Variants in DYRK1A observed in about 807,000 individuals in gnomAD.
DYRK1A encodes the protein dual specificity tyrosine-phosphorylation-regulated kinase 1A.
In DYRK1A, 9 loss-of-function variants were observed where a neutral mutation model predicts 79.7. The ratio of observed to expected loss-of-function variants is 0.11; its 90% confidence interval spans 0.07 to 0.20. DYRK1A has a LOEUF of 0.20. DYRK1A is among the 10% of genes least tolerant of loss of function. The pLI is 1.00. For synonymous variants in DYRK1A, 349 were observed against 329.7 expected (o/e 1.06, Z -0.63); for missense variants, 622 against 956.0 (o/e 0.65, Z 4.61).
In DYRK1A at chr21:37,462,237, G is replaced by C. The variant is rs73400104; in HGVS notation, c.11-10447G>C. ...GTGCCTAGTGAATTGGGCTGGCTAT[G>C]GGGATGAGGAATGCTGGCCCGTGAG... On this transcript the variant is annotated intron_variant, in intron 2 of 11. Transcript: ENST00000647188. 4.2e-3 allele frequency among the ~76,000 whole-genome samples: 639 copies of C among 152,230 alleles called. 4 individuals are homozygous for C. The highest frequency in any genetic ancestry group is 0.014 in the African/African-American group (600 of 41,524).
chr21:37,374,780 C>T (rs1010699376), intron 1 of DYRK1A, among the ~76,000 whole-genome samples: 6 of 152,110 alleles, frequency 3.9e-5, no homozygotes, highest in African/African-American at 1.4e-4. Context: ...GTCTCAATCT[C>T]CTGACCTCGT....
chr21:37,518,331 A>C lies in DYRK1A; in HGVS notation c.*5800A>C, dbSNP rs2053901583. ...ACCACTCCCACTTCCATTGCCCGCA[A>C]ATCCAGGAAAGAAATGACTAATGAA... is the stretch of plus-strand genomic sequence containing the variant. On this transcript the variant is annotated 3_prime_UTR_variant, in exon 12 of 12. Coordinates refer to ENST00000647188, the MANE Select transcript of DYRK1A (RefSeq NM_001347721.2). 6.6e-6 allele frequency: 1 copy of C among 152,248 alleles called. No individual in the cohort carries two copies. The highest frequency in any genetic ancestry group is 2.4e-5 in the African/African-American group (1 of 41,434). The allele number at this position is 152,248 out of a possible 1,614,324, so 9.4% of individuals were successfully genotyped here.
At chr21:37,458,191 A>C (rs2051716529) in intron 2 of DYRK1A, among the ~76,000 whole-genome samples, 2 of 151,648 alleles carry the variant, frequency 1.3e-5, no homozygotes, top group Admixed American at 6.6e-5. Flanking sequence ...CTTGGAAGAC[A>C]GCTGTAATAT....
intron 1 of DYRK1A, among the ~76,000 whole-genome samples, chr21:37,401,956 A>T (rs917065222): frequency 6.6e-6 from 1 of 152,174 alleles, no homozygotes; most frequent in African/African-American, 2.4e-5. Flanking sequence ...ATATTGTTGC[A>T]ACTCCTACTT....
At position 37,377,350 on chromosome 21, in the gene DYRK1A, A is replaced by C. The variant is rs553027245; in HGVS notation, c.-77+9722A>C. ...TAGTCAGGGTGGTCTCCATCTCCTG[A>C]CCTCGTGATCCGCTTACCTCGGCCT... On this transcript the variant is annotated intron_variant, in intron 1 of 11. Transcript: ENST00000647188. Among the ~76,000 whole-genome samples, 49 of 151,950 alleles carry C rather than the reference A, an allele frequency of 3.2e-4. 1 individual carries two copies. Among genetic ancestry groups the C allele is most frequent in the Admixed American group, 2.2e-3 (34 of 15,264 alleles).
intron 2 of DYRK1A, among the ~76,000 whole-genome samples, chr21:37,441,568 T>C (rs935734250): frequency 7.2e-5 from 11 of 152,142 alleles, no homozygotes; most frequent in Admixed American, 1.3e-4. Context: ...CCTTGTTTTT[T>C]AAATTTAGTG....
chr21:37,470,890 G>A (rs1206812233), intron 2 of DYRK1A, among the ~76,000 whole-genome samples: 2 of 152,172 alleles, frequency 1.3e-5, no homozygotes, highest in African/African-American at 2.4e-5. Context: ...GACTATGAAT[G>A]ATGAAATGTT....
intron 6 of DYRK1A, 47 bp from the exon 7 acceptor site, chr21:37,490,128 A>G: frequency 1.3e-6 from 2 of 1,535,274 alleles, no homozygotes; most frequent in Non-Finnish European, 1.8e-6. Flanking sequence ...TGTTACTCTC[A>G]GTTTATTGGT....
rs2053923241 is a variant in DYRK1A at position 37,520,002 on chromosome 21, C to T, written c.*7471C>T. On this transcript the variant is annotated 3_prime_UTR_variant, in exon 12 of 12. Coordinates refer to ENST00000647188, the MANE Select transcript of DYRK1A (RefSeq NM_001347721.2). ...CCTTGTGATCCATCTGCCTTGGCCTCCCAAAGTGCTGGGATTACAGGTGTG... is the reference window on the plus strand; with the variant it reads ...CCTTGTGATCCATCTGCCTTGGCCTTCCAAAGTGCTGGGATTACAGGTGTG... 1 of 152,186 alleles carries T rather than the reference C, an allele frequency of 6.6e-6. No individual in the cohort carries two copies. Among genetic ancestry groups the T allele is most frequent in the Non-Finnish European group, 1.5e-5 (1 of 68,060 alleles). The allele number at this position is 152,186 out of a possible 1,614,324, so 9.4% of individuals were successfully genotyped here.
Position 37,514,818 on chromosome 21 carries a change from A to C in DYRK1A, c.*2287A>C, listed in dbSNP as rs1182385313. On this transcript the variant is annotated 3_prime_UTR_variant, in exon 12 of 12. Transcript: ENST00000647188. ...TGCTGTTTAGGAATATAAGGTTAAG[A>C]TATCATATGGGTCAGGTCATTTTTT... is the stretch of plus-strand genomic sequence containing the variant. 6.6e-6 allele frequency: 1 copy of C among 152,596 alleles called. No homozygotes were observed. Among genetic ancestry groups the C allele is most frequent in the Non-Finnish European group, 1.5e-5 (1 of 68,040 alleles). The allele number at this position is 152,596 out of a possible 1,614,324, so 9.5% of individuals were successfully genotyped here.
chr21:37,492,152 G>C (rs2053119542), intron 7 of DYRK1A, among the ~76,000 whole-genome samples: 1 of 152,198 alleles, frequency 6.6e-6, no homozygotes, highest in African/African-American at 2.4e-5. Flanking sequence ...CTTCTTCCCA[G>C]TTCTTTTAAA....
rs558805288 is a variant in DYRK1A at position 37,515,678 on chromosome 21, G to C, written c.*3147G>C. On this transcript the variant is annotated 3_prime_UTR_variant, in exon 12 of 12. Transcript: ENST00000647188. Reference sequence around the variant, plus strand: ...CAGTATATATTAAGGTGGCTTTCGAGAGGCAAGATGCTTATTTAAAAGTTA... The same window carrying C: ...CAGTATATATTAAGGTGGCTTTCGACAGGCAAGATGCTTATTTAAAAGTTA... 1 of 152,220 alleles carries C rather than the reference G, an allele frequency of 6.6e-6. No homozygotes were observed. Among genetic ancestry groups the C allele is most frequent in the African/African-American group, 2.4e-5 (1 of 41,522 alleles). The allele number at this position is 152,220 out of a possible 1,614,324, so 9.4% of individuals were successfully genotyped here.
chr21:37,410,211 G>A (rs961864186), intron 1 of DYRK1A, among the ~76,000 whole-genome samples: 1 of 152,196 alleles, frequency 6.6e-6, no homozygotes, highest in Non-Finnish European at 1.5e-5. Context: ...GATTTGAGAA[G>A]AGAGATGGAA....
At chr21:37,481,895 G>A (rs1044873298) in intron 5 of DYRK1A, among the ~76,000 whole-genome samples, 7 of 152,030 alleles carry the variant, frequency 4.6e-5, no homozygotes, top group Non-Finnish European at 8.8e-5. Context: ...TCCCCCAGCT[G>A]TTCCCAGTTG....
chr21:37,394,477 C>A (rs1256361083), intron 1 of DYRK1A, among the ~76,000 whole-genome samples: 2 of 152,226 alleles, frequency 1.3e-5, no homozygotes, highest in South Asian at 4.1e-4. Flanking sequence ...TGGCAGGGGT[C>A]TCCAGCCACT....
chr21:37,498,225 CT>C (rs540116534), intron 9 of DYRK1A, among the ~76,000 whole-genome samples: 13 of 152,062 alleles, frequency 8.5e-5, no homozygotes, highest in Middle Eastern at 3.4e-3. Flanking sequence ...ATAAATGATG[CT>C]TTTTTTGAAG....
chr21:37,452,520 C>T (rs2051487384), intron 2 of DYRK1A, among the ~76,000 whole-genome samples: 1 of 152,172 alleles, frequency 6.6e-6, no homozygotes. Flanking sequence ...GCATGCCGTG[C>T]TTTCCAGCTG....
At chr21:37,445,696 G>A (rs896803993) in intron 2 of DYRK1A, among the ~76,000 whole-genome samples, 1 of 152,192 alleles carries the variant, frequency 6.6e-6, no homozygotes, top group Non-Finnish European at 1.5e-5. Flanking sequence ...ATCATGAACA[G>A]TGTGACATTT....
At chr21:37,482,028 A>C (rs1441032808) in intron 5 of DYRK1A, among the ~76,000 whole-genome samples, 1 of 152,180 alleles carries the variant, frequency 6.6e-6, no homozygotes, top group Non-Finnish European at 1.5e-5. Flanking sequence ...TCTGCAGTCC[A>C]AACTTTTGAC....
Sources: gnomAD v4.1 joint callset for allele counts (sites outside exome capture counted in the v4.1 genomes callset) on GRCh38, gnomAD v4.1.1 for gene constraint, MANE v1.5 for transcripts, NCBI Gene and HGNC (gene_info 2026-07-23, HGNC 2026-07-21) for gene names.